Variants in DLGAP1 observed in about 807,000 individuals in gnomAD.
DLGAP1 encodes the protein DLG associated protein 1, also known as disks large-associated protein 1.
A neutral mutation model predicts 90.8 loss-of-function variants in DLGAP1; 11 were observed. The observed-to-expected ratio is 0.12, with a 90% CI of 0.08 to 0.20. The LOEUF is 0.20. Ranked by LOEUF, DLGAP1 falls within the 10% of genes least tolerant of loss-of-function variation. The pLI, the probability that DLGAP1 is intolerant of heterozygous loss-of-function variation, is 1.00. For missense variants in DLGAP1, 1,050 were observed against 1,333.8 expected (o/e 0.79, Z 3.31); for synonymous variants, 558 against 540.7 (o/e 1.03, Z -0.44).
chr18:3,920,618 T>C (rs2072249694), intron 3 of DLGAP1, among the ~76,000 whole-genome samples: 1 of 152,148 alleles, frequency 6.6e-6, no homozygotes. Context: ...TCTCATTGCA[T>C]TGCATTGCCT....
chr18:3,828,639 C>CAAAAAA (rs71368713), intron 4 of DLGAP1, among the ~76,000 whole-genome samples: 4 of 21,360 alleles, frequency 1.9e-4, no homozygotes, highest in African/African-American at 5.6e-4. Context: ...GACTCTATCT[C>CAAAAAA]AAAAAAAAAA....
chr18:3,504,353 C>T (rs1446768198), intron 11 of DLGAP1, among the ~76,000 whole-genome samples: 1 of 151,986 alleles, frequency 6.6e-6, no homozygotes, highest in Non-Finnish European at 1.5e-5. Context: ...TTATTAGGCA[C>T]TTTGGGAACT....
chr18:3,519,346 C>T (rs1458748592), intron 10 of DLGAP1, among the ~76,000 whole-genome samples: 1 of 152,150 alleles, frequency 6.6e-6, no homozygotes, highest in Admixed American at 6.5e-5. Context: ...TTGATGACAC[C>T]ATAAACCAAT....
At chr18:4,441,949 C>A (rs554641695) in intron 1 of DLGAP1, among the ~76,000 whole-genome samples, 113 of 152,316 alleles carry the variant, frequency 7.4e-4, no homozygotes, top group African/African-American at 2.5e-3. Flanking sequence ...CATGGTAGGT[C>A]TGTGGTCTGA....
chr18:4,037,868 G>T (rs962045928), intron 2 of DLGAP1, among the ~76,000 whole-genome samples: 2 of 152,218 alleles, frequency 1.3e-5, no homozygotes, highest in South Asian at 2.1e-4. Context: ...GCTGAGGCTG[G>T]AGAATCACTT....
chr18:4,379,691 T>C (rs555607453), intron 1 of DLGAP1, among the ~76,000 whole-genome samples: 1 of 152,152 alleles, frequency 6.6e-6, no homozygotes, highest in African/African-American at 2.4e-5. Flanking sequence ...GGTAAAGTGT[T>C]GTATTTCTTC....
intron 3 of DLGAP1, among the ~76,000 whole-genome samples, chr18:3,936,803 A>T (rs975090198): frequency 6.6e-6 from 1 of 152,224 alleles, no homozygotes; most frequent in Non-Finnish European, 1.5e-5. Flanking sequence ...GTAATGTGGC[A>T]ACTGTTAGCT....
chr18:4,206,154 G>A (rs2077716278), intron 1 of DLGAP1, among the ~76,000 whole-genome samples: 1 of 152,076 alleles, frequency 6.6e-6, no homozygotes, highest in African/African-American at 2.4e-5. Flanking sequence ...TGACCTGTTG[G>A]GTTGGAGGTG....
In DLGAP1 at chr18:3,623,331, A is replaced by G. The variant is rs140366414; in HGVS notation, c.1592-41083T>C. 5.6e-3 allele frequency among the ~76,000 whole-genome samples: 854 copies of G among 152,334 alleles called. 6 individuals carry two copies. Among genetic ancestry groups the G allele is most frequent in the African/African-American group, 0.02 (812 of 41,568 alleles). On this transcript the variant is annotated intron_variant, in intron 7 of 12. Coordinates refer to ENST00000315677, the MANE Select transcript of DLGAP1 (RefSeq NM_004746.4). Reference sequence around the variant, plus strand: ...TTAATTGTGGTTAATGACATGTCATAATTAATAGCTATGATTATTTTCACG... The same window carrying G: ...TTAATTGTGGTTAATGACATGTCATGATTAATAGCTATGATTATTTTCACG...
At chr18:3,596,951 G>T (rs774470120) in intron 7 of DLGAP1, 1 of 520,052 alleles carries the variant, frequency 1.9e-6, no homozygotes, top group South Asian at 1.4e-5. Flanking sequence ...GGTCCCCTGG[G>T]TCGTCCACCC....
intron 3 of DLGAP1, among the ~76,000 whole-genome samples, chr18:3,968,743 CTG>C (rs1327752448): frequency 6.6e-6 from 1 of 152,062 alleles, no homozygotes; most frequent in African/African-American, 2.4e-5. Context: ...TTCCTGAAAA[CTG>C]TGAATCATCA....
chr18:4,279,115 G>A (rs2145417306), intron 1 of DLGAP1, among the ~76,000 whole-genome samples: 1 of 152,288 alleles, frequency 6.6e-6, no homozygotes, highest in South Asian at 2.1e-4. Context: ...AACAAGCGCT[G>A]GACTGGAAGT....
chr18:4,065,959 C>CA (rs147659083), intron 2 of DLGAP1, among the ~76,000 whole-genome samples: 65,877 of 151,792 alleles, frequency 0.43, 15,283 homozygotes, highest in African/African-American at 0.6. Context: ...GGTGCTAGTA[C>CA]AAAACAGACA....
At chr18:4,131,111 G>A (rs945200010) in intron 2 of DLGAP1, among the ~76,000 whole-genome samples, 2 of 151,860 alleles carry the variant, frequency 1.3e-5, no homozygotes, top group African/African-American at 2.4e-5. Flanking sequence ...TATATCCCAA[G>A]ATAACTGCAG....
chr18:3,545,092 G>A (rs995693513), intron 9 of DLGAP1, among the ~76,000 whole-genome samples: 2 of 151,894 alleles, frequency 1.3e-5, no homozygotes, highest in African/African-American at 2.4e-5. Context: ...TGGCCAACAC[G>A]GTGAAACTCT....
At chr18:4,270,258 C>G (rs1165653730) in intron 1 of DLGAP1, among the ~76,000 whole-genome samples, 1 of 152,144 alleles carries the variant, frequency 6.6e-6, no homozygotes, top group Admixed American at 6.5e-5. Context: ...ATTTTCCCCT[C>G]TTATTACCCT....
intron 2 of DLGAP1, among the ~76,000 whole-genome samples, chr18:4,023,014 T>A (rs1178361518): frequency 1.3e-5 from 2 of 150,256 alleles, no homozygotes; most frequent in Non-Finnish European, 2.9e-5. Flanking sequence ...ATAGCTCTGT[T>A]AGATTATATT....
intron 5 of DLGAP1, among the ~76,000 whole-genome samples, chr18:3,764,315 A>G (rs778697043): frequency 6.6e-6 from 1 of 152,208 alleles, no homozygotes; most frequent in Non-Finnish European, 1.5e-5. Context: ...CAAATTATTC[A>G]CTAAGATTGG....
At chr18:4,364,409 T>C (rs2081710294) in intron 1 of DLGAP1, among the ~76,000 whole-genome samples, 1 of 151,448 alleles carries the variant, frequency 6.6e-6, no homozygotes, top group Non-Finnish European at 1.5e-5. Context: ...AGTATAATAA[T>C]AATAAAGTAA....
Sources: allele counts gnomAD v4.1 joint callset (sites outside exome capture counted in the v4.1 genomes callset), GRCh38; gene constraint gnomAD v4.1.1; transcripts MANE v1.5; gene names NCBI Gene and HGNC (gene_info 2026-07-23, HGNC 2026-07-21).